Variants in SEMA5A observed in about 807,000 individuals in gnomAD.
The protein encoded by SEMA5A is semaphorin-5A.
In SEMA5A, 55 loss-of-function variants were observed where a neutral mutation model predicts 135.5. The observed-to-expected ratio is 0.41, with a 90% confidence interval of 0.33 to 0.51. The LOEUF is 0.51. Ranked by LOEUF, SEMA5A falls within the 20% of genes least tolerant of loss-of-function variation. SEMA5A has a pLI of 0.37. For missense variants in SEMA5A, 1,290 were observed against 1,419.9 expected (o/e 0.91, Z 1.47); for synonymous variants, 580 against 546.5 (o/e 1.06, Z -0.85).
intron 3 of SEMA5A, among the ~76,000 whole-genome samples, chr5:9,372,838 C>G (rs1164021038): frequency 6.6e-6 from 1 of 152,222 alleles, no homozygotes; most frequent in Non-Finnish European, 1.5e-5. Context: ...ATCTCCTTCA[C>G]TCATCCAGCA....
chr5:9,378,806 C>A (rs570175848), intron 3 of SEMA5A, among the ~76,000 whole-genome samples: 1 of 152,256 alleles, frequency 6.6e-6, no homozygotes, highest in East Asian at 1.9e-4. Context: ...TCTCTCAATG[C>A]CCTCTGGGTG....
intron 5 of SEMA5A, among the ~76,000 whole-genome samples, chr5:9,315,853 G>C (rs1205161933): frequency 2.0e-5 from 3 of 152,064 alleles, no homozygotes; most frequent in Non-Finnish European, 4.4e-5. Flanking sequence ...CAAGTTATAA[G>C]TTTTCCTGTT....
chr5:9,440,930 A>ATC (rs1758209946), intron 1 of SEMA5A, among the ~76,000 whole-genome samples: 2 of 152,250 alleles, frequency 1.3e-5, no homozygotes, highest in South Asian at 4.1e-4. Context: ...AAAAATGGAC[A>ATC]AGACCACCTG....
At chr5:9,370,663 G>C (rs1311216577) in intron 3 of SEMA5A, among the ~76,000 whole-genome samples, 2 of 152,140 alleles carry the variant, frequency 1.3e-5, no homozygotes, top group African/African-American at 4.8e-5. Flanking sequence ...AAGTAAATAA[G>C]ATTTGGAAAC....
At chr5:9,463,862 T>A (rs1295788614) in intron 1 of SEMA5A, among the ~76,000 whole-genome samples, 1 of 152,208 alleles carries the variant, frequency 6.6e-6, no homozygotes, top group East Asian at 1.9e-4. Flanking sequence ...CACACCCCCC[T>A]GAAGGTGTTT....
At chr5:9,540,016 A>G (rs968716534) in intron 1 of SEMA5A, among the ~76,000 whole-genome samples, 1 of 152,204 alleles carries the variant, frequency 6.6e-6, no homozygotes, top group Non-Finnish European at 1.5e-5. Context: ...AAGTAGTTTT[A>G]GAGTCCATGG....
At chr5:9,185,330 C>T (rs950867707) in intron 11 of SEMA5A, among the ~76,000 whole-genome samples, 1 of 152,190 alleles carries the variant, frequency 6.6e-6, no homozygotes, top group South Asian at 2.1e-4. Flanking sequence ...CACAATCTCA[C>T]ATGAGTTCAG....
rs185116962 is a variant in SEMA5A, at chr5:9,445,054, C to A, written c.-174-7202G>T. 3.2e-3 allele frequency among the ~76,000 whole-genome samples: 480 copies of A among 152,288 alleles called. 6 individuals carry two copies. Among genetic ancestry groups the A allele is most frequent in the African/African-American group, 0.011 (462 of 41,558 alleles). ...CACACACACATATTTACAATCAGAT[C>A]GTTATAGATATCCAATAATATTGCA... On this transcript the variant is annotated intron_variant, in intron 1 of 22. Transcript: ENST00000382496.
chr5:9,447,368 C>T (rs1376811461), intron 1 of SEMA5A, among the ~76,000 whole-genome samples: 3 of 152,212 alleles, frequency 2.0e-5, no homozygotes, highest in Non-Finnish European at 2.9e-5. Flanking sequence ...ATGTTCTATT[C>T]TGGCTTAAAC....
rs1164740625 is a variant in SEMA5A, at chr5:9,054,147, C to T, written c.2629G>A (p.Gly877Arg). Residue 877 changes from glycine (G) to arginine (R), a missense_variant, in exon 19 of 23, where the codon GGG becomes AGG. Gly to Arg is a moderately radical substitution (Grantham distance 125). This residue lies in a region of SEMA5A where 1,029 missense variants were observed against 1,086.6 expected (regional missense o/e 0.95). Transcript: ENST00000382496. Reference protein sequence around the residue: ...SCSNPAPAYGGDICLGLHTEE... With the variant: ...SCSNPAPAYGRDICLGLHTEE... ...GTGTGCAGCCCCAGGCAGATGTCCCCTCCATAGGCCGGGGCTGGATTGGAG... is the reference window on the plus strand; with the variant it reads ...GTGTGCAGCCCCAGGCAGATGTCCCTTCCATAGGCCGGGGCTGGATTGGAG... The T allele has an allele frequency of 3.1e-6, 5 of 1,614,042 alleles. No homozygotes were observed. Among genetic ancestry groups the T allele is most frequent in the Non-Finnish European group, 4.2e-6 (5 of 1,179,976 alleles).
At chr5:9,275,418 T>C (rs2150551149) in intron 5 of SEMA5A, among the ~76,000 whole-genome samples, 1 of 152,250 alleles carries the variant, frequency 6.6e-6, no homozygotes, top group Admixed American at 6.5e-5. Flanking sequence ...GAGAAGCTGG[T>C]ACCATTCCTT....
At chr5:9,389,242 A>G (rs907908268) in intron 2 of SEMA5A, among the ~76,000 whole-genome samples, 5 of 151,628 alleles carry the variant, frequency 3.3e-5, no homozygotes, top group African/African-American at 9.7e-5. Flanking sequence ...GTACACTCCA[A>G]CCTCTTCTGA....
At chr5:9,272,234 G>T (rs1240822941) in intron 5 of SEMA5A, among the ~76,000 whole-genome samples, 1 of 152,094 alleles carries the variant, frequency 6.6e-6, no homozygotes, top group Non-Finnish European at 1.5e-5. Context: ...TACCCTCACA[G>T]TGTAAACAAA....
At chr5:9,045,601 G>C (rs1736209029) in intron 21 of SEMA5A, among the ~76,000 whole-genome samples, 1 of 152,132 alleles carries the variant, frequency 6.6e-6, no homozygotes, top group Non-Finnish European at 1.5e-5. Context: ...TGCTGGTGTG[G>C]TGTAAATACT....
chr5:9,431,439 G>T (rs180838189), intron 2 of SEMA5A, among the ~76,000 whole-genome samples: 2 of 152,254 alleles, frequency 1.3e-5, no homozygotes, highest in Admixed American at 6.5e-5. Context: ...AACCAATAGT[G>T]GTTACTGCTC....
intron 11 of SEMA5A, among the ~76,000 whole-genome samples, chr5:9,166,661 A>G (rs1489784899): frequency 2.0e-5 from 3 of 152,174 alleles, no homozygotes; most frequent in Non-Finnish European, 4.4e-5. Context: ...CAAAACCTCA[A>G]AAGCTCCTTG....
At chr5:9,349,229 G>C (rs1754007661) in intron 3 of SEMA5A, among the ~76,000 whole-genome samples, 1 of 152,226 alleles carries the variant, frequency 6.6e-6, no homozygotes, top group South Asian at 2.1e-4. Context: ...TATTTGCCAA[G>C]TCAGACCAAG....
At chr5:9,208,444 G>C (rs1001487023) in intron 8 of SEMA5A, among the ~76,000 whole-genome samples, 1 of 152,152 alleles carries the variant, frequency 6.6e-6, no homozygotes, top group Non-Finnish European at 1.5e-5. Context: ...GTGCCCTCAA[G>C]AGCAGTGTGA....
In SEMA5A at chr5:9,451,871, A is replaced by G. The variant is rs149077887; in HGVS notation, c.-174-14019T>C. 1.5e-3 allele frequency among the ~76,000 whole-genome samples: 232 copies of G among 152,326 alleles called. 1 individual carries two copies. The highest frequency in any genetic ancestry group is 0.014 in the Admixed American group (214 of 15,304). The stretch of plus-strand genomic sequence containing the variant: ...ATGGCAGACAGTAACTCTCCTTAGC[A>G]GACAAGGCAATCTACCCAGCATGGA... On this transcript the variant is annotated intron_variant, in intron 1 of 22. Coordinates refer to ENST00000382496, the MANE Select transcript of SEMA5A (RefSeq NM_003966.3).
Sources: allele counts gnomAD v4.1 joint callset (sites outside exome capture counted in the v4.1 genomes callset), GRCh38; gene constraint gnomAD v4.1.1; regional missense constraint gnomAD v4.1.1; transcripts MANE v1.5; gene names NCBI Gene and HGNC (gene_info 2026-07-23, HGNC 2026-07-21).